ZNF750: variants seen among roughly 807,000 people sequenced by gnomAD.
ZNF750 encodes the protein zinc finger protein 750, also known as protein ZNF750.
In ZNF750, 10 loss-of-function variants were observed where a neutral mutation model predicts 31.6. That is an observed-to-expected ratio of 0.32 (90% CI 0.19 to 0.54). ZNF750 has a LOEUF of 0.54. ZNF750 is among the 20% of genes least tolerant of loss of function. The pLI is 0.95. For synonymous variants in ZNF750, 400 were observed against 404.9 expected, an observed-to-expected ratio of 0.99 and a Z score of 0.15; for missense variants, 914 against 934.9, an observed-to-expected ratio of 0.98 and a Z score of 0.29.
chr17:82,836,463 G>A lies in ZNF750; in HGVS notation c.-183+3464C>T, dbSNP rs576880147. 3.3e-5 allele frequency among the ~76,000 whole-genome samples: 5 copies of A among 152,288 alleles called. No individual in the cohort carries two copies. The East Asian group carries it at 7.7e-4, about 23-fold the overall frequency. On this transcript the variant is annotated intron_variant, in intron 1 of 2. Transcript: ENST00000269394. ...TGCGTCCTCGCGAGACCGAAACGCC[G>A]CCTCTAGCACCTGAAACACAAGCCC...
chr17:82,831,330 G>A lies in ZNF750; in HGVS notation c.1125C>T (p.Val375=), dbSNP rs756774867. The change falls in exon 2 of 3, where the codon GTC becomes GTT. Residue 375 remains valine, a synonymous_variant. Coordinates refer to ENST00000269394, the MANE Select transcript of ZNF750 (RefSeq NM_024702.3). The surrounding 1 kb of genome is among the most constrained non-coding windows in gnomAD (Gnocchi z 4.6). ...LNPSDPNRKH[V]EFESPIPEAK... The stretch of plus-strand genomic sequence containing the variant: ...CCTCAGGAATTGGACTTTCGAACTC[G>A]ACGTGTTTTCTGTTGGGGTCCGAAG... 11 of 1,614,024 alleles carry A rather than the reference G, an allele frequency of 6.8e-6. No homozygotes were observed. The highest frequency in any genetic ancestry group is 8.5e-6 in the Non-Finnish European group (10 of 1,180,032).
chr17:82,830,003 GTTT>G lies in ZNF750; in HGVS notation c.*136_*138del. The G allele has an allele frequency of 3.0e-6, 4 of 1,328,054 alleles. No homozygotes were observed. The highest frequency in any genetic ancestry group is 4.1e-6 in the Non-Finnish European group (4 of 974,380). The allele number at this position is 1,328,054 out of a possible 1,614,324, so 82.3% of individuals were successfully genotyped here. The stretch of plus-strand genomic sequence containing the variant: ...AACTGAATTGGAGGGTTTTTTGTTT[GTTT>G]GTTTGTTTGTTTTTTTGAGAAGCAG... On this transcript the variant is annotated 3_prime_UTR_variant, in exon 3 of 3. Transcript: ENST00000269394.
Position 82,835,903 on chromosome 17 carries a change from C to T in ZNF750, c.-182-3267G>A, listed in dbSNP as rs532351770. On this transcript the variant is annotated intron_variant, in intron 1 of 2. Coordinates refer to ENST00000269394, the MANE Select transcript of ZNF750 (RefSeq NM_024702.3). The surrounding 1 kb of genome is among the most constrained non-coding windows in gnomAD (Gnocchi z 4.5). ...TCTGTGTAGCAGGGACAGCGAGGCA[C>T]GGTTTGGATGAGGACAAGATGTTTG... Among the ~76,000 whole-genome samples the T allele has an allele frequency of 2.6e-5, 4 of 152,288 alleles. No individual in the cohort carries two copies. The highest frequency in any genetic ancestry group is 1.9e-4 in the East Asian group (1 of 5,184).
intron 1 of ZNF750, among the ~76,000 whole-genome samples, chr17:82,836,561 C>T (rs1026092113): frequency 6.6e-6 from 1 of 152,074 alleles, no homozygotes; most frequent in East Asian, 1.9e-4. Flanking sequence ...CATTATTTCA[C>T]ATTGCTGATA....
chr17:82,831,183 G>A lies in ZNF750; in HGVS notation c.1272C>T (p.Ser424=). The part of the protein sequence containing the change: ...RPSPTDFMQT[S]QTCEGLYDLS... Reference sequence around the variant, plus strand: ...GGTCGTACAGGCCTTCGCAGGTCTGGCTCGTCTGCATGAAGTCGGTGGGGC... The same window carrying A: ...GGTCGTACAGGCCTTCGCAGGTCTGACTCGTCTGCATGAAGTCGGTGGGGC... Residue 424 remains serine, a synonymous_variant, in exon 2 of 3, where the codon AGC becomes AGT. Coordinates refer to ENST00000269394, the MANE Select transcript of ZNF750 (RefSeq NM_024702.3). The surrounding 1 kb of genome is among the most constrained non-coding windows in gnomAD (Gnocchi z 4.6). The A allele has an allele frequency of 6.2e-7, 1 of 1,614,142 alleles. No homozygotes were observed. Among genetic ancestry groups the A allele is most frequent in the South Asian group, 1.1e-5 (1 of 91,076 alleles).
chr17:82,831,340 C>T lies in ZNF750; in HGVS notation c.1115G>A (p.Arg372Lys), dbSNP rs1260801017. Residue 372 changes from arginine (R) to lysine (K), a missense_variant, in exon 2 of 3, where the codon AGA becomes AAA. Physicochemically the swap from Arg to Lys is conservative, Grantham distance 26 (BLOSUM62 2). Around this residue, in one of 2 missense-constraint regions of ZNF750, gnomAD observed 880 missense variants for 868.9 expected, o/e 1.01. Transcript: ENST00000269394. This position sits in a 1 kb window ranked among gnomAD's most constrained non-coding sequence, Gnocchi z 4.6. ...TGGACTTTCGAACTCGACGTGTTTT[C>T]TGTTGGGGTCCGAAGGGTTTAACCT... is the stretch of plus-strand genomic sequence containing the variant. ...PSRLNPSDPN[R>K]KHVEFESPIP... 1.2e-6 allele frequency: 2 copies of T among 1,614,024 alleles called. No homozygotes were observed. Among genetic ancestry groups the T allele is most frequent in the Non-Finnish European group, 1.7e-6 (2 of 1,180,020 alleles).
chr17:82,832,682 C>A lies in ZNF750; in HGVS notation c.-182-46G>T. The A allele has an allele frequency of 3.4e-6, 2 of 581,218 alleles. No homozygotes were observed. The highest frequency in any genetic ancestry group is 6.1e-6 in the Non-Finnish European group (2 of 327,330). The allele number at this position is 581,218 out of a possible 1,614,324, so 36.0% of individuals were successfully genotyped here. A position where few individuals can be genotyped will look rare whatever the true frequency, so the allele number is the denominator to read the frequency against. ...GGTGTCAGGACAGCGAGTGAGGGGTCGGCGAGAAGCCGGCCTCGGCTCGCC... is the reference window on the plus strand; with the variant it reads ...GGTGTCAGGACAGCGAGTGAGGGGTAGGCGAGAAGCCGGCCTCGGCTCGCC... On this transcript the variant is annotated intron_variant, in intron 1 of 2. Coordinates refer to ENST00000269394, the MANE Select transcript of ZNF750 (RefSeq NM_024702.3). The surrounding 1 kb of genome is among the most constrained non-coding windows in gnomAD (Gnocchi z 4.9).
In ZNF750 at chr17:82,830,652, C is replaced by T; in HGVS notation, c.1662G>A (p.Ser554=). The T allele has an allele frequency of 1.9e-6, 3 of 1,614,004 alleles. No individual in the cohort carries two copies. Among genetic ancestry groups the T allele is most frequent in the Non-Finnish European group, 2.5e-6 (3 of 1,179,942 alleles). ...SELQDLPLNL[S]VKDPCNTQAP... ...CCTGGGTGTTACAGGGGTCCTTCACCGAGAGATTGAGTGGAAGGTCCTGCA... is the reference window on the plus strand; with the variant it reads ...CCTGGGTGTTACAGGGGTCCTTCACTGAGAGATTGAGTGGAAGGTCCTGCA... The change falls in exon 3 of 3, where the codon TCG becomes TCA. Residue 554 remains serine (S), a synonymous_variant. Coordinates refer to ENST00000269394, the MANE Select transcript of ZNF750 (RefSeq NM_024702.3).
chr17:82,830,270 G>A lies in ZNF750; in HGVS notation c.2044C>T (p.Leu682Phe). The A allele has an allele frequency of 6.2e-7, 1 of 1,614,226 alleles. No homozygotes were observed. The highest frequency in any genetic ancestry group is 8.5e-7 in the Non-Finnish European group (1 of 1,180,050). Residue 682 changes from leucine (L) to phenylalanine (F), a missense_variant, in exon 3 of 3, where the codon CTC becomes TTC. This residue lies in a region of ZNF750 where 880 missense variants were observed against 868.9 expected (regional missense o/e 1.01). Coordinates refer to ENST00000269394, the MANE Select transcript of ZNF750 (RefSeq NM_024702.3). ...GTCCTCTTTTGTCCTTTGGGTCTGA[G>A]GTCACACTGGGCCTCTTGGCTCTCC... ...SMESQEAQCD[L>F]RPKGQKRTSL...
intron 1 of ZNF750, among the ~76,000 whole-genome samples, chr17:82,836,525 A>G (rs2053989622): frequency 6.6e-6 from 1 of 152,152 alleles, no homozygotes; most frequent in Non-Finnish European, 1.5e-5. Flanking sequence ...ATTTAAGAAA[A>G]TTGAGGACTT....
chr17:82,837,820 C>A (rs761276391), intron 1 of ZNF750, among the ~76,000 whole-genome samples: 6 of 152,220 alleles, frequency 3.9e-5, no homozygotes, highest in Non-Finnish European at 7.3e-5. Context: ...AACACACCTC[C>A]TCCGAGCCTG....
At position 82,831,850 on chromosome 17, in the gene ZNF750, G is replaced by A. The variant is rs994894302; in HGVS notation, c.605C>T (p.Thr202Ile). Reference sequence around the variant, plus strand: ...GCCGGCTTTCCAGGGGTAGCCAGGAGTGTGGAAGGCCGACTTGGTGTGGAA... The same window carrying A: ...GCCGGCTTTCCAGGGGTAGCCAGGAATGTGGAAGGCCGACTTGGTGTGGAA... Reference protein sequence around the residue: ...VSFHTKSAFHTPGYPWKAGSP... With the variant: ...VSFHTKSAFHIPGYPWKAGSP... Residue 202 changes from threonine (T) to isoleucine (I), a missense_variant, in exon 2 of 3, where the codon ACT becomes ATT. Coordinates refer to ENST00000269394, the MANE Select transcript of ZNF750 (RefSeq NM_024702.3). This position sits in a 1 kb window ranked among gnomAD's most constrained non-coding sequence, Gnocchi z 4.6. The A allele has an allele frequency of 3.7e-6, 6 of 1,614,128 alleles. No homozygotes were observed. The African/African-American group carries it at 8.0e-5, about 22-fold the overall frequency.
Position 82,833,108 on chromosome 17 carries a change from G to T in ZNF750, c.-182-472C>A, listed in dbSNP as rs915865164. On this transcript the variant is annotated intron_variant, in intron 1 of 2. Coordinates refer to ENST00000269394, the MANE Select transcript of ZNF750 (RefSeq NM_024702.3). The surrounding 1 kb of genome is among the most constrained non-coding windows in gnomAD (Gnocchi z 4.7). ...GCTTGAAGCAGTGGGTGTGTGATCG[G>T]CCACACTCTCACGTGAAATACGAAG... Among the ~76,000 whole-genome samples, 1 of 152,056 alleles carries T rather than the reference G, an allele frequency of 6.6e-6. No homozygotes were observed. The highest frequency in any genetic ancestry group is 6.5e-5 in the Admixed American group (1 of 15,274).
chr17:82,832,862 TGAAA>T lies in ZNF750; in HGVS notation c.-182-230_-182-227del, dbSNP rs2053639847. On this transcript the variant is annotated intron_variant, in intron 1 of 2. Coordinates refer to ENST00000269394, the MANE Select transcript of ZNF750 (RefSeq NM_024702.3). This position sits in a 1 kb window ranked among gnomAD's most constrained non-coding sequence, Gnocchi z 4.9. ...TGTTTTCTGTTTTCTGAGTCTGATC[TGAAA>T]GAGTCACCTCGGGGCCTAGAGGTGG... Among the ~76,000 whole-genome samples the T allele has an allele frequency of 6.6e-6, 1 of 152,204 alleles. No homozygotes were observed.
At position 82,832,209 on chromosome 17, in the gene ZNF750, C is replaced by A. The variant is rs774634780; in HGVS notation, c.246G>T (p.Thr82=). ...CAGACTTGGAAGAGGCTGGCTTCGC[C>A]GTGGCATCGGGCTGGTTGGTTTGCT... ...DPKQTNQPDA[T]AKPASSKSVA... Residue 82 remains threonine (T), a synonymous_variant, in exon 2 of 3, where the codon ACG becomes ACT. Transcript: ENST00000269394. The surrounding 1 kb of genome is among the most constrained non-coding windows in gnomAD (Gnocchi z 4.9). 6.2e-7 allele frequency: 1 copy of A among 1,614,192 alleles called. No homozygotes were observed. The highest frequency in any genetic ancestry group is 8.5e-7 in the Non-Finnish European group (1 of 1,180,042).
At position 82,835,223 on chromosome 17, in the gene ZNF750, A is replaced by T. The variant is rs746210666; in HGVS notation, c.-182-2587T>A. On this transcript the variant is annotated intron_variant, in intron 1 of 2. Coordinates refer to ENST00000269394, the MANE Select transcript of ZNF750 (RefSeq NM_024702.3). The surrounding 1 kb of genome is among the most constrained non-coding windows in gnomAD (Gnocchi z 4.5). ...GTGAAAAGCCGCCCCTTGAAAATAG[A>T]GCAACGTGTGTGGGAGCCTAGGAGG... Among the ~76,000 whole-genome samples, 1 of 152,080 alleles carries T rather than the reference A, an allele frequency of 6.6e-6. No individual in the cohort carries two copies. The highest frequency in any genetic ancestry group is 2.4e-5 in the African/African-American group (1 of 41,402).
In ZNF750 at chr17:82,833,626, G is replaced by A. The variant is rs750287051; in HGVS notation, c.-182-990C>T. On this transcript the variant is annotated intron_variant, in intron 1 of 2. Transcript: ENST00000269394. This position sits in a 1 kb window ranked among gnomAD's most constrained non-coding sequence, Gnocchi z 4.7. ...CTGGCCAGGAGGCATGGCCAGCAGCGCCTGCCCGTCCAGATGCACCACCAA... is the reference window on the plus strand; with the variant it reads ...CTGGCCAGGAGGCATGGCCAGCAGCACCTGCCCGTCCAGATGCACCACCAA... 8.5e-5 allele frequency among the ~76,000 whole-genome samples: 13 copies of A among 152,160 alleles called. No individual in the cohort carries two copies. Among genetic ancestry groups the A allele is most frequent in the Non-Finnish European group, 1.2e-4 (8 of 68,030 alleles).
intron 1 of ZNF750, among the ~76,000 whole-genome samples, chr17:82,837,604 A>G (rs752011872): frequency 3.3e-5 from 5 of 152,214 alleles, no homozygotes; most frequent in African/African-American, 4.8e-5. Context: ...TGAGAACTGC[A>G]GTGCTAGCGT....
intron 1 of ZNF750, among the ~76,000 whole-genome samples, chr17:82,837,262 A>AGGCTGTCAC (rs1567863425): frequency 6.6e-6 from 1 of 152,232 alleles, no homozygotes. Flanking sequence ...CCAGTACCTC[A>AGGCTGTCAC]GGCTGTCACA....
Sources: allele counts gnomAD v4.1 joint callset (sites outside exome capture counted in the v4.1 genomes callset), GRCh38; gene constraint gnomAD v4.1.1; regional missense constraint gnomAD v4.1.1; non-coding constraint Gnocchi (gnomAD v3.1); transcripts MANE v1.5; gene names NCBI Gene and HGNC (gene_info 2026-07-23, HGNC 2026-07-21).